TNKS: variants seen among roughly 807,000 people sequenced by gnomAD.
TNKS encodes poly [ADP-ribose] polymerase tankyrase-1.
TNKS carries 72 observed loss-of-function variants against 135.8 expected under a neutral mutation model. The observed-to-expected ratio is 0.53, with a 90% CI of 0.44 to 0.64. The LOEUF (loss-of-function observed/expected upper bound fraction) is 0.64, where lower values mean the gene tolerates loss of function less well. Ranked by LOEUF, TNKS falls within the 30% of genes least tolerant of loss-of-function variation. The pLI is 0.00. For missense variants in TNKS, 1,769 were observed against 1,674.0 expected (o/e 1.06, Z -0.99); for synonymous variants, 849 against 649.3 (o/e 1.31, Z -4.68).
At chr8:9,557,922 T>G (rs1450049731) in intron 1 of TNKS, 2 of 152,196 alleles carry the variant, frequency 1.3e-5, no homozygotes, top group Non-Finnish European at 2.9e-5. Flanking sequence ...TTAGAGCTTG[T>G]GAAATCAAAC....
chr8:9,728,753 G>A (rs1805277219), intron 13 of TNKS, among the ~76,000 whole-genome samples: 5 of 152,006 alleles, frequency 3.3e-5, no homozygotes, highest in Admixed American at 2.6e-4. Context: ...TATTTGACCT[G>A]GTCACATTAC....
chr8:9,563,243 A>T (rs2129049725), intron 1 of TNKS, among the ~76,000 whole-genome samples: 1 of 151,834 alleles, frequency 6.6e-6, no homozygotes, highest in South Asian at 2.1e-4. Flanking sequence ...CTGCCCCCAA[A>T]CCCCTGATAA....
In TNKS at chr8:9,628,290, G is replaced by T. The variant is rs180967056; in HGVS notation, c.994+12613G>T. On this transcript the variant is annotated intron_variant, in intron 3 of 26. Coordinates refer to ENST00000310430, the MANE Select transcript of TNKS (RefSeq NM_003747.3). ...TCACTACTTTCTTACTTTTTAGTCT[G>T]AACTAAACTCACCTGGTACTGTTTT... Among the ~76,000 whole-genome samples the T allele has an allele frequency of 4.7e-4, 72 of 152,160 alleles. 1 individual carries two copies. The East Asian group carries it at 8.5e-3, about 18-fold the overall frequency.
chr8:9,586,865 G>T (rs557227323), intron 2 of TNKS, among the ~76,000 whole-genome samples: 1 of 151,850 alleles, frequency 6.6e-6, no homozygotes, highest in Non-Finnish European at 1.5e-5. Context: ...GCTCCTCTTA[G>T]AGTAATTGAG....
chr8:9,693,782 A>G (rs1803386788), intron 5 of TNKS, among the ~76,000 whole-genome samples: 1 of 152,234 alleles, frequency 6.6e-6, no homozygotes, highest in African/African-American at 2.4e-5. Flanking sequence ...TTACTACTAA[A>G]AGTAGAGTAC....
In TNKS at chr8:9,637,955, T is replaced by TTCA. The variant is rs542158253; in HGVS notation, c.994+22279_994+22280insCAT. Among the ~76,000 whole-genome samples the TTCA allele has an allele frequency of 1.7e-3, 256 of 152,234 alleles. 1 individual carries two copies. The highest frequency in any genetic ancestry group is 5.7e-3 in the African/African-American group (237 of 41,520). On this transcript the variant is annotated intron_variant, in intron 3 of 26. Coordinates refer to ENST00000310430, the MANE Select transcript of TNKS (RefSeq NM_003747.3). ...TGCCCTTCTGAATATTTGAACTCTTTTTATTATTATTATTTACTTATACAT... is the reference window on the plus strand; with the variant it reads ...TGCCCTTCTGAATATTTGAACTCTTTTCATTATTATTATTATTTACTTATACAT...
At chr8:9,734,449 C>CT (rs1197784857) in intron 15 of TNKS, among the ~76,000 whole-genome samples, 1 of 139,560 alleles carries the variant, frequency 7.2e-6, no homozygotes, top group African/African-American at 2.6e-5. Context: ...GAATTAAGTC[C>CT]TTTTTTACCA....
chr8:9,697,054 G>T (rs984733440), intron 5 of TNKS, among the ~76,000 whole-genome samples: 6 of 152,052 alleles, frequency 3.9e-5, no homozygotes, highest in African/African-American at 1.4e-4. Flanking sequence ...AAACTATACT[G>T]TCAGGCTACA....
At chr8:9,747,254 C>T (rs1290164442) in intron 17 of TNKS, among the ~76,000 whole-genome samples, 2 of 142,330 alleles carry the variant, frequency 1.4e-5, no homozygotes, top group African/African-American at 5.1e-5. Flanking sequence ...AGATTCCCCC[C>T]TCCTTCCCCC....
At chr8:9,680,393 C>T (rs1288760213) in intron 4 of TNKS, among the ~76,000 whole-genome samples, 2 of 151,956 alleles carry the variant, frequency 1.3e-5, no homozygotes, top group East Asian at 1.9e-4. Context: ...TTGATTAGCT[C>T]TTTACAGCAT....
At chr8:9,696,520 C>T (rs1439542778) in intron 5 of TNKS, among the ~76,000 whole-genome samples, 1 of 152,074 alleles carries the variant, frequency 6.6e-6, no homozygotes, top group Non-Finnish European at 1.5e-5. Context: ...TCTTCACTGA[C>T]ACTATGATTT....
At chr8:9,573,714 A>G (rs1438565532) in intron 1 of TNKS, among the ~76,000 whole-genome samples, 1 of 152,230 alleles carries the variant, frequency 6.6e-6, no homozygotes, top group Non-Finnish European at 1.5e-5. Flanking sequence ...CATTTGGTAT[A>G]TAAGTGTAGG....
intron 2 of TNKS, among the ~76,000 whole-genome samples, chr8:9,591,791 A>G (rs1238987666): frequency 6.6e-6 from 1 of 152,158 alleles, no homozygotes; most frequent in Non-Finnish European, 1.5e-5. Context: ...TAAAATAGCA[A>G]AGTATTTGGT....
intron 4 of TNKS, 103 bp from the exon 5 acceptor site, chr8:9,680,622 A>G (rs1023260428): frequency 1.9e-5 from 14 of 739,996 alleles, no homozygotes; most frequent in Non-Finnish European, 2.8e-5. Flanking sequence ...TGTAAAAGAA[A>G]TCAAAGCAAA....
At chr8:9,758,771 G>A (rs1806985893) in intron 20 of TNKS, among the ~76,000 whole-genome samples, 1 of 152,162 alleles carries the variant, frequency 6.6e-6, no homozygotes, top group African/African-American at 2.4e-5. Flanking sequence ...TGACCTTATG[G>A]AGTATTACTT....
Position 9,568,086 on chromosome 8 carries a change from CT to C in TNKS, c.673+11476del, listed in dbSNP as rs1438839918. ...GTTATGTTGAGGATACTCTTTTCAT[CT>C]TATCTGTTGATTCACATTTTTTGAG... On this transcript the variant is annotated intron_variant, in intron 1 of 26. Coordinates refer to ENST00000310430, the MANE Select transcript of TNKS (RefSeq NM_003747.3). Among the ~76,000 whole-genome samples the C allele has an allele frequency of 1.1e-4, 17 of 152,244 alleles. 2 individuals are homozygous for C. Among genetic ancestry groups the C allele is most frequent in the African/African-American group, 4.1e-4 (17 of 41,534 alleles).
chr8:9,722,983 C>T (rs7016561), intron 12 of TNKS, among the ~76,000 whole-genome samples: 106,420 of 151,840 alleles, frequency 0.7, 37,826 homozygotes, highest in Admixed American at 0.8. Flanking sequence ...AAATATTTTT[C>T]TTCGATTATT....
intron 1 of TNKS, among the ~76,000 whole-genome samples, chr8:9,567,423 A>T (rs527437464): frequency 5.5e-4 from 82 of 150,434 alleles, no homozygotes; most frequent in African/African-American, 1.5e-3. Context: ...TTATTTATTT[A>T]TTTTTTTTTT....
At chr8:9,703,768 C>A (rs1803926936) in intron 5 of TNKS, among the ~76,000 whole-genome samples, 1 of 152,104 alleles carries the variant, frequency 6.6e-6, no homozygotes, top group African/African-American at 2.4e-5. Flanking sequence ...AAAGGGAATG[C>A]ATTAAAGTAT....
Sources: allele counts gnomAD v4.1 joint callset (sites outside exome capture counted in the v4.1 genomes callset), GRCh38; gene constraint gnomAD v4.1.1; transcripts MANE v1.5; gene names NCBI Gene and HGNC (gene_info 2026-07-23, HGNC 2026-07-21).